Variants in TRAK2 observed in about 807,000 individuals in gnomAD.
The protein encoded by TRAK2 is trafficking kinesin protein 2.
A neutral mutation model predicts 104.6 loss-of-function variants in TRAK2; 81 were observed. The observed-to-expected ratio is 0.77, with a 90% CI of 0.65 to 0.93. TRAK2 has a LOEUF of 0.93. TRAK2 is among the 40% of genes least tolerant of loss of function. The probability of loss-of-function intolerance (pLI) is 0.00; values close to 1 mark genes in which losing one functional copy is unlikely to be tolerated. For missense variants in TRAK2, 1,002 were observed against 1,089.0 expected (o/e 0.92, Z 1.12); for synonymous variants, 406 against 394.4 (o/e 1.03, Z -0.35).
chr2:201,445,630 A>G (rs570169210), intron 1 of TRAK2, among the ~76,000 whole-genome samples: 1 of 152,360 alleles, frequency 6.6e-6, no homozygotes, highest in South Asian at 2.1e-4. Flanking sequence ...AAGGAGGAAA[A>G]GATTTGGATA....
rs1553623107 is a variant in TRAK2, at chr2:201,419,513, C to CAAT, written c.91+903_91+904insATT. ...TATATGAAATTCTAGAACAAGCAAA[C>CAAT]TTAAAGTGGCAGAAAGCAGATTAGT... On this transcript the variant is annotated intron_variant, in intron 2 of 15. Transcript: ENST00000332624. 3 of 153,818 alleles carry CAAT rather than the reference C, an allele frequency of 2.0e-5. No individual in the cohort carries two copies. In the East Asian group the frequency reaches 5.9e-4, roughly 30 times the overall value. 9.5% of individuals were successfully genotyped at this position (153,818 alleles called of 1,614,324 possible).
At position 201,377,914 on chromosome 2, in the gene TRAK2, C is replaced by T. The variant is rs1450986706; in HGVS notation, c.*2629G>A. On this transcript the variant is annotated 3_prime_UTR_variant, in exon 16 of 16. Coordinates refer to ENST00000332624, the MANE Select transcript of TRAK2 (RefSeq NM_015049.3). ...AAAAGATTGAGGTTTCCTATACTGGCATGAAAGTACACATACAATTTTTAT... is the reference window on the plus strand; with the variant it reads ...AAAAGATTGAGGTTTCCTATACTGGTATGAAAGTACACATACAATTTTTAT... 1 of 152,146 alleles carries T rather than the reference C, an allele frequency of 6.6e-6. No homozygotes were observed. The highest frequency in any genetic ancestry group is 1.5e-5 in the Non-Finnish European group (1 of 67,958). 9.4% of individuals were successfully genotyped at this position (152,146 alleles called of 1,614,324 possible). A position where few individuals can be genotyped will look rare whatever the true frequency, so the allele number is the denominator to read the frequency against.
At chr2:201,438,920 G>A (rs1559455023) in intron 1 of TRAK2, among the ~76,000 whole-genome samples, 1 of 152,044 alleles carries the variant, frequency 6.6e-6, no homozygotes, top group African/African-American at 2.4e-5. Flanking sequence ...TTTTTAAGTG[G>A]GTAATTCTAC....
intron 2 of TRAK2, among the ~76,000 whole-genome samples, chr2:201,408,385 A>T (rs917982): frequency 0.57 from 86,774 of 152,154 alleles, 26,041 homozygotes; most frequent in South Asian, 0.68. Flanking sequence ...AGGTAAACTC[A>T]TGTCACGGGG....
At chr2:201,405,165 A>G (rs1290983444) in intron 3 of TRAK2, among the ~76,000 whole-genome samples, 2 of 152,222 alleles carry the variant, frequency 1.3e-5, no homozygotes, top group Non-Finnish European at 2.9e-5. Context: ...GAGCTTATCT[A>G]AGGGAAAAAT....
chr2:201,380,361 T>C lies in TRAK2; in HGVS notation c.*182A>G. 1.5e-6 allele frequency: 1 copy of C among 650,134 alleles called. No homozygotes were observed. The highest frequency in any genetic ancestry group is 2.7e-5 in the East Asian group (1 of 36,592). 40.3% of individuals were successfully genotyped at this position (650,134 alleles called of 1,614,324 possible). A position where few individuals can be genotyped will look rare whatever the true frequency, so the allele number is the denominator to read the frequency against. On this transcript the variant is annotated 3_prime_UTR_variant, in exon 16 of 16. Transcript: ENST00000332624. ...ATGGCCCATTCATTTATACTTTCAATTTGCCCGACTTCCTCCATTAGGGCT... is the reference window on the plus strand; with the variant it reads ...ATGGCCCATTCATTTATACTTTCAACTTGCCCGACTTCCTCCATTAGGGCT...
chr2:201,401,017 C>T lies in TRAK2; in HGVS notation c.363+1G>A. The T allele has an allele frequency of 6.2e-7, 1 of 1,608,982 alleles. No individual in the cohort carries two copies. The highest frequency in any genetic ancestry group is 8.5e-7 in the Non-Finnish European group (1 of 1,176,492). On this transcript the variant is annotated splice_donor_variant, in intron 4 of 15. Coordinates refer to ENST00000332624, the MANE Select transcript of TRAK2 (RefSeq NM_015049.3). LOFTEE classifies it high-confidence loss of function. The stretch of plus-strand genomic sequence containing the variant: ...ACTGGAGAAAGAAAAGATATTCCTA[C>T]CTCTGCCAGGAGATGTGTAACCATG...
chr2:201,384,197 T>G lies in TRAK2; in HGVS notation c.1983A>C (p.Gly661=). The G allele has an allele frequency of 1.2e-6, 2 of 1,613,184 alleles. No homozygotes were observed. The highest frequency in any genetic ancestry group is 2.2e-5 in the South Asian group (2 of 90,822). ...TTGAGTTTGTGCACGACAGGCACTT[T>G]CCTGGGTTGGCGGTTGCAACTGAAA... The part of the protein sequence containing the change: ...GPVTVATANP[G]KCLSCTNSTF... The change falls in exon 15 of 16, where the codon GGA becomes GGC. Residue 661 remains glycine (G), a synonymous_variant. Coordinates refer to ENST00000332624, the MANE Select transcript of TRAK2 (RefSeq NM_015049.3).
Position 201,380,656 on chromosome 2 carries a change from T to C in TRAK2, c.2632A>G (p.Ser878Gly), listed in dbSNP as rs779571381. 2 of 1,614,078 alleles carry C rather than the reference T, an allele frequency of 1.2e-6. No individual in the cohort carries two copies. The highest frequency in any genetic ancestry group is 2.2e-5 in the East Asian group (1 of 44,884). Residue 878 changes from serine (S) to glycine (G), a missense_variant, in exon 16 of 16, where the codon AGC becomes GGC. Coordinates refer to ENST00000332624, the MANE Select transcript of TRAK2 (RefSeq NM_015049.3). ...PDSAVYLNSG[S>G]SLLGGLRRNQ... Reference sequence around the variant, plus strand: ...CTCCTTAGTCCACCTAATAAACTGCTACCTGAATTTAAATAAACAGCAGAA... The same window carrying C: ...CTCCTTAGTCCACCTAATAAACTGCCACCTGAATTTAAATAAACAGCAGAA...
chr2:201,415,910 T>TA (rs1480910779), intron 2 of TRAK2, among the ~76,000 whole-genome samples: 1 of 151,762 alleles, frequency 6.6e-6, no homozygotes, highest in East Asian at 1.9e-4. Flanking sequence ...GCAAAATTGC[T>TA]AAAAACCAGT....
chr2:201,400,264 T>C (rs1027602938), intron 4 of TRAK2, among the ~76,000 whole-genome samples: 4 of 152,094 alleles, frequency 2.6e-5, no homozygotes, highest in Non-Finnish European at 4.4e-5. Context: ...TGGTGAAGAC[T>C]GTATTCTATA....
At chr2:201,384,057 T>A (rs1951366445) in intron 15 of TRAK2, 54 bp downstream of exon 15, 2 of 1,149,144 alleles carry the variant, frequency 1.7e-6, no homozygotes, top group Non-Finnish European at 2.5e-6. Context: ...AAGAAATTCA[T>A]GAAAATATAG....
rs772384084 is a variant in TRAK2, at chr2:201,447,471, A to AT, written c.-200+3878dup. Among the ~76,000 whole-genome samples, 1 of 152,196 alleles carries AT rather than the reference A, an allele frequency of 6.6e-6. No individual in the cohort carries two copies. The highest frequency in any genetic ancestry group is 1.9e-4 in the East Asian group (1 of 5,184). ...TGGGTGGCTTCAACAACAGAAATTT[A>AT]TTTTTTCACAATACTGGAGTCTGGA... On this transcript the variant is annotated intron_variant, in intron 1 of 15. Coordinates refer to ENST00000332624, the MANE Select transcript of TRAK2 (RefSeq NM_015049.3). This position sits in a 1 kb window ranked among gnomAD's most constrained non-coding sequence, Gnocchi z 4.1.
chr2:201,387,012 C>T lies in TRAK2; in HGVS notation c.1697-528G>A, dbSNP rs113638726. Among the ~76,000 whole-genome samples, 523 of 152,340 alleles carry T rather than the reference C, an allele frequency of 3.4e-3. 7 individuals are homozygous for T. Among genetic ancestry groups the T allele is most frequent in the African/African-American group, 0.012 (489 of 41,574 alleles). On this transcript the variant is annotated intron_variant, in intron 13 of 15. Transcript: ENST00000332624. ...CCAGATGCAATGTCTAATTATGTCA[C>T]TGTAGTCATTTCATCCTAAAAATGG...
In TRAK2 at chr2:201,420,725, G is replaced by A. The variant is rs189073323; in HGVS notation, c.-199-19C>T. ...TCATGACCTAAAACAAAAACATCAA[G>A]TGACTAGAACTCAGCATGCTCTTTA... On this transcript the variant is annotated intron_variant, in intron 1 of 15. Coordinates refer to ENST00000332624, the MANE Select transcript of TRAK2 (RefSeq NM_015049.3). 3.2e-4 allele frequency: 143 copies of A among 451,004 alleles called. No homozygotes were observed. Among genetic ancestry groups the A allele is most frequent in the African/African-American group, 2.6e-3 (132 of 50,454 alleles). The allele number at this position is 451,004 out of a possible 1,614,324, so 27.9% of individuals were successfully genotyped here. A position where few individuals can be genotyped will look rare whatever the true frequency, so the allele number is the denominator to read the frequency against.
Position 201,412,857 on chromosome 2 carries a change from T to C in TRAK2, c.92-5260A>G. The C allele has an allele frequency of 8.5e-6, 7 of 820,744 alleles. No homozygotes were observed. In the South Asian group the frequency reaches 9.6e-5, roughly 11 times the overall value. 50.8% of individuals were successfully genotyped at this position (820,744 alleles called of 1,614,324 possible). ...CCTGAAGCAAACCACATTTGGTTTC[T>C]ACATCATAAAGTTTATAATCCTTAA... On this transcript the variant is annotated intron_variant, in intron 2 of 15. Coordinates refer to ENST00000332624, the MANE Select transcript of TRAK2 (RefSeq NM_015049.3).
chr2:201,451,273 T>C (rs1952033305), intron 1 of TRAK2, 77 bp downstream of exon 1: 1 of 152,266 alleles, frequency 6.6e-6, no homozygotes, highest in Admixed American at 6.5e-5. Context: ...CGGAGGACCT[T>C]GGGACGAGGA....
In TRAK2 at chr2:201,422,190, G is replaced by A. The variant is rs546432853; in HGVS notation, c.-199-1484C>T. On this transcript the variant is annotated intron_variant, in intron 1 of 15. Coordinates refer to ENST00000332624, the MANE Select transcript of TRAK2 (RefSeq NM_015049.3). ...GAATTTACACAATGGATATACTCACGAAGTGTGCTAAGATGTAGGGATAAG... is the reference window on the plus strand; with the variant it reads ...GAATTTACACAATGGATATACTCACAAAGTGTGCTAAGATGTAGGGATAAG... 2.6e-5 allele frequency among the ~76,000 whole-genome samples: 4 copies of A among 151,824 alleles called. No homozygotes were observed. In the South Asian group the frequency reaches 6.3e-4, roughly 24 times the overall value.
At chr2:201,389,121 A>C (rs986402560) in intron 12 of TRAK2, among the ~76,000 whole-genome samples, 179 bp downstream of exon 12, 1 of 152,214 alleles carries the variant, frequency 6.6e-6, no homozygotes, top group Non-Finnish European at 1.5e-5. Flanking sequence ...AGATTCAAAA[A>C]AATTTGACTT....
Sources: allele counts gnomAD v4.1 joint callset (sites outside exome capture counted in the v4.1 genomes callset), GRCh38; gene constraint gnomAD v4.1.1; non-coding constraint Gnocchi (gnomAD v3.1); transcripts MANE v1.5; gene names NCBI Gene and HGNC (gene_info 2026-07-23, HGNC 2026-07-21).